RNF130: variants seen among roughly 807,000 people sequenced by gnomAD.
RNF130 encodes the protein E3 ubiquitin-protein ligase RNF130.
In RNF130, 21 loss-of-function variants were observed where a neutral mutation model predicts 44.6. The observed-to-expected ratio is 0.47, with a 90% CI of 0.33 to 0.68. The LOEUF is 0.68. Among genes scored for constraint, RNF130 ranks in the 30% least tolerant of loss-of-function variants. RNF130 has a pLI of 0.02. For missense variants in RNF130, 479 were observed against 560.6 expected (o/e 0.85, Z 1.47); for synonymous variants, 214 against 210.4 (o/e 1.02, Z -0.15).
At chr5:179,920,779 T>TTTTA (rs1554099382) in intron 7 of RNF130, among the ~76,000 whole-genome samples, 2 of 137,982 alleles carry the variant, frequency 1.4e-5, no homozygotes, top group Admixed American at 7.1e-5. Flanking sequence ...GCATATATAT[T>TTTTA]TATATATATA....
chr5:179,987,695 C>T (rs569922124), intron 3 of RNF130, among the ~76,000 whole-genome samples: 34 of 152,316 alleles, frequency 2.2e-4, no homozygotes, highest in Non-Finnish European at 3.5e-4. Flanking sequence ...TGAATTTTAT[C>T]AAACGCCTTT....
intron 7 of RNF130, among the ~76,000 whole-genome samples, chr5:179,927,834 C>T (rs951578332): frequency 1.3e-5 from 2 of 152,104 alleles, no homozygotes; most frequent in Non-Finnish European, 2.9e-5. Flanking sequence ...TCATGATCCA[C>T]CCGCCTTGGC....
intron 7 of RNF130, chr5:179,963,875 A>G (rs187648106): frequency 2.6e-5 from 8 of 308,882 alleles, no homozygotes; most frequent in Admixed American, 1.8e-4. Context: ...TTGCACAAGG[A>G]CATAGATTTT....
intron 2 of RNF130, among the ~76,000 whole-genome samples, chr5:180,038,713 T>C (rs886190534): frequency 6.6e-6 from 1 of 152,186 alleles, no homozygotes; most frequent in East Asian, 1.9e-4. Flanking sequence ...TAATTTAATT[T>C]TTTTTTAAGA....
intron 3 of RNF130, among the ~76,000 whole-genome samples, chr5:179,997,563 C>G (rs1205153910): frequency 6.6e-6 from 1 of 151,942 alleles, no homozygotes; most frequent in African/African-American, 2.4e-5. Context: ...CTCCTGACCT[C>G]GTGATCTGCC....
At chr5:179,966,439 C>T (rs1284038370) in intron 7 of RNF130, among the ~76,000 whole-genome samples, 2 of 152,186 alleles carry the variant, frequency 1.3e-5, no homozygotes, top group Non-Finnish European at 2.9e-5. Flanking sequence ...AGAGCACGAG[C>T]GCTCACAGCA....
chr5:180,023,479 G>A (rs530233994), intron 2 of RNF130, among the ~76,000 whole-genome samples: 1 of 152,266 alleles, frequency 6.6e-6, no homozygotes, highest in African/African-American at 2.4e-5. Context: ...ATATGCAAAA[G>A]GAGCCTGGCA....
chr5:180,010,611 T>C (rs982091360), intron 3 of RNF130, among the ~76,000 whole-genome samples: 1 of 152,146 alleles, frequency 6.6e-6, no homozygotes, highest in Non-Finnish European at 1.5e-5. Flanking sequence ...CCACCTGCCT[T>C]GGCTTCCCAA....
intron 2 of RNF130, among the ~76,000 whole-genome samples, chr5:180,018,066 C>A (rs942565982): frequency 6.6e-6 from 1 of 152,028 alleles, no homozygotes; most frequent in Non-Finnish European, 1.5e-5. Flanking sequence ...GAGATCAAGG[C>A]GATGGATCAC....
chr5:179,923,216 G>A (rs907670326), intron 7 of RNF130, among the ~76,000 whole-genome samples: 4 of 151,972 alleles, frequency 2.6e-5, no homozygotes, highest in African/African-American at 9.7e-5. Flanking sequence ...CTTTGAAAAT[G>A]GCAGAAAATA....
chr5:179,925,860 C>T (rs574897030), intron 7 of RNF130, among the ~76,000 whole-genome samples: 44 of 152,238 alleles, frequency 2.9e-4, no homozygotes, highest in African/African-American at 1.0e-3. Context: ...AGTTGGAAGA[C>T]GTAGGCCCAG....
At chr5:179,968,688 A>T (rs1762510395) in intron 6 of RNF130, among the ~76,000 whole-genome samples, 1 of 149,826 alleles carries the variant, frequency 6.7e-6, no homozygotes, top group African/African-American at 2.5e-5. Flanking sequence ...AAAAAAAAAA[A>T]GAGAGAAAGT....
intron 7 of RNF130, among the ~76,000 whole-genome samples, chr5:179,930,336 A>G (rs374006690): frequency 1.2e-3 from 179 of 152,304 alleles, no homozygotes; most frequent in African/African-American, 3.3e-3. Context: ...GATTACAGGC[A>G]TGAGCCACTG....
chr5:179,958,839 C>T (rs556979867), intron 8 of RNF130, among the ~76,000 whole-genome samples: 2 of 152,110 alleles, frequency 1.3e-5, no homozygotes, highest in South Asian at 2.1e-4. Context: ...TGCCACCACA[C>T]CCAGCTAATT....
chr5:179,928,880 C>G (rs1463127973), intron 7 of RNF130, among the ~76,000 whole-genome samples: 2 of 152,128 alleles, frequency 1.3e-5, no homozygotes, highest in Admixed American at 1.3e-4. Flanking sequence ...CCCCCTGCCT[C>G]GGCCTCCCAA....
intron 1 of RNF130, among the ~76,000 whole-genome samples, chr5:180,043,287 T>C (rs1764471127): frequency 6.6e-6 from 1 of 152,198 alleles, no homozygotes; most frequent in African/African-American, 2.4e-5. Flanking sequence ...ATCATGTCGC[T>C]GCACTCCAGC....
At chr5:180,022,832 T>C (rs1480158652) in intron 2 of RNF130, among the ~76,000 whole-genome samples, 2 of 152,222 alleles carry the variant, frequency 1.3e-5, no homozygotes, top group Non-Finnish European at 2.9e-5. Flanking sequence ...AGTAAGATGC[T>C]TACATTTATG....
At chr5:180,059,661 A>C (rs1444352708) in intron 1 of RNF130, among the ~76,000 whole-genome samples, 7 of 152,352 alleles carry the variant, frequency 4.6e-5, no homozygotes, top group Non-Finnish European at 4.4e-5. Flanking sequence ...TGTACAGAGC[A>C]CTGATACGAA....
chr5:179,989,095 T>C (rs979038075), intron 3 of RNF130, among the ~76,000 whole-genome samples: 1 of 152,188 alleles, frequency 6.6e-6, no homozygotes, highest in Non-Finnish European at 1.5e-5. Context: ...CTTACAATCA[T>C]AGCAGAAGGC....
Sources: gnomAD v4.1 joint callset for allele counts (sites outside exome capture counted in the v4.1 genomes callset) on GRCh38, gnomAD v4.1.1 for gene constraint, MANE v1.5 for transcripts, NCBI Gene and HGNC (gene_info 2026-07-23, HGNC 2026-07-21) for gene names.